RNF144B: variants seen among roughly 807,000 people sequenced by gnomAD.
RNF144B encodes ring finger protein 144B, also known as E3 ubiquitin-protein ligase RNF144B.
In RNF144B, 25 loss-of-function variants were observed where a neutral mutation model predicts 40.2. That is an observed-to-expected ratio of 0.62 (90% CI 0.45 to 0.87). RNF144B has a LOEUF of 0.87. Among genes scored for constraint, RNF144B ranks in the 40% least tolerant of loss-of-function variants. The probability of loss-of-function intolerance (pLI) is 0.00; values close to 1 mark genes in which losing one functional copy is unlikely to be tolerated. For missense variants in RNF144B, 365 were observed against 373.7 expected (o/e 0.98, Z 0.19); for synonymous variants, 145 against 136.3 (o/e 1.06, Z -0.44).
rs761388574 is a variant in RNF144B at position 18,410,272 on chromosome 6, C to T, written c.165+10573C>T. ...CCACCTTTGTCCAGACTCTACTGAT[C>T]CATTTGGTACTAGTGTGTGCCAGGC... On this transcript the variant is annotated intron_variant, in intron 2 of 7. Coordinates refer to ENST00000259939, the MANE Select transcript of RNF144B (RefSeq NM_182757.4). This position sits in a 1 kb window ranked among gnomAD's most constrained non-coding sequence, Gnocchi z 4.6. 1.3e-5 allele frequency among the ~76,000 whole-genome samples: 2 copies of T among 152,172 alleles called. No individual in the cohort carries two copies. Among genetic ancestry groups the T allele is most frequent in the African/African-American group, 4.8e-5 (2 of 41,444 alleles).
chr6:18,407,434 G>A (rs1341574686), intron 2 of RNF144B, among the ~76,000 whole-genome samples: 1 of 152,164 alleles, frequency 6.6e-6, no homozygotes, highest in East Asian at 1.9e-4. Context: ...GAAGATTACA[G>A]TAGATAATCT....
At position 18,468,182 on chromosome 6, in the gene RNF144B, A is replaced by G. The variant is rs1759613561; in HGVS notation, c.*3115A>G. ...TGCAATAGAAATAAAAAAATCCGTC[A>G]CCAAATTGTAACCTGGATGTTATAG... On this transcript the variant is annotated 3_prime_UTR_variant, in exon 8 of 8. Coordinates refer to ENST00000259939, the MANE Select transcript of RNF144B (RefSeq NM_182757.4). The G allele has an allele frequency of 6.6e-6, 1 of 152,206 alleles. No individual in the cohort carries two copies. The highest frequency in any genetic ancestry group is 2.4e-5 in the African/African-American group (1 of 41,452). The allele number at this position is 152,206 out of a possible 1,614,324, so 9.4% of individuals were successfully genotyped here.
intron 1 of RNF144B, among the ~76,000 whole-genome samples, chr6:18,392,035 TAAAAAAAAAAAA>T (rs10643409): frequency 2.8e-5 from 2 of 71,062 alleles, no homozygotes; most frequent in African/African-American, 5.3e-5. Context: ...CCATCTCTAC[TAAAAAAAAAAAA>T]AAAAAAAAAA....
chr6:18,391,600 G>A (rs550214026), intron 1 of RNF144B, among the ~76,000 whole-genome samples: 4 of 152,262 alleles, frequency 2.6e-5, no homozygotes, highest in South Asian at 2.1e-4. Context: ...AGTTGCGGTG[G>A]CTCATGCCTG....
intron 3 of RNF144B, among the ~76,000 whole-genome samples, chr6:18,428,301 A>T (rs1280182727): frequency 6.6e-6 from 1 of 152,182 alleles, no homozygotes; most frequent in Non-Finnish European, 1.5e-5. Flanking sequence ...CAGTGTGAGA[A>T]TGGACACATA....
At chr6:18,397,949 G>A (rs920282130) in intron 1 of RNF144B, among the ~76,000 whole-genome samples, 3 of 151,922 alleles carry the variant, frequency 2.0e-5, no homozygotes, top group African/African-American at 7.3e-5. Flanking sequence ...ATCATCCCAA[G>A]CAGAAACTCT....
intron 1 of RNF144B, among the ~76,000 whole-genome samples, chr6:18,389,326 C>G (rs758991420): frequency 1.3e-5 from 2 of 152,086 alleles, no homozygotes; most frequent in African/African-American, 2.4e-5. Flanking sequence ...GAGCCAAACT[C>G]TACAGCAGAG....
rs544884451 is a variant in RNF144B at position 18,394,860 on chromosome 6, A to G, written c.-36-4639A>G. Among the ~76,000 whole-genome samples the G allele has an allele frequency of 4.6e-5, 7 of 152,342 alleles. No homozygotes were observed. In the South Asian group the frequency reaches 1.2e-3, roughly 27 times the overall value. ...TGCAAGAGACACATAGAGCAGGTAG[A>G]ACTGCTGGTTCTCCTTTCCTGGTAA... On this transcript the variant is annotated intron_variant, in intron 1 of 7. Coordinates refer to ENST00000259939, the MANE Select transcript of RNF144B (RefSeq NM_182757.4).
chr6:18,433,359 G>C (rs1277690479), intron 3 of RNF144B, among the ~76,000 whole-genome samples: 3 of 152,200 alleles, frequency 2.0e-5, no homozygotes, highest in Non-Finnish European at 4.4e-5. Flanking sequence ...AGAGTTAATA[G>C]ATATTTTTGA....
Position 18,468,508 on chromosome 6 carries a change from A to C in RNF144B, c.*3441A>C, listed in dbSNP as rs1759620220. 1 of 152,210 alleles carries C rather than the reference A, an allele frequency of 6.6e-6. No homozygotes were observed. Among genetic ancestry groups the C allele is most frequent in the Non-Finnish European group, 1.5e-5 (1 of 68,034 alleles). The allele number at this position is 152,210 out of a possible 1,614,324, so 9.4% of individuals were successfully genotyped here. ...GTACATGTTCATTTGAATGTAAATCACCATTTCTTGGAACCCCACGTTTTT... is the reference window on the plus strand; with the variant it reads ...GTACATGTTCATTTGAATGTAAATCCCCATTTCTTGGAACCCCACGTTTTT... On this transcript the variant is annotated 3_prime_UTR_variant, in exon 8 of 8. Coordinates refer to ENST00000259939, the MANE Select transcript of RNF144B (RefSeq NM_182757.4).
chr6:18,430,077 A>C (rs951553590), intron 3 of RNF144B, among the ~76,000 whole-genome samples: 19 of 149,122 alleles, frequency 1.3e-4, no homozygotes, highest in Non-Finnish European at 2.1e-4. Context: ...TTTCAAAAAA[A>C]GTCCATGACA....
chr6:18,451,542 G>A (rs768294711), intron 4 of RNF144B, among the ~76,000 whole-genome samples: 1 of 152,190 alleles, frequency 6.6e-6, no homozygotes, highest in African/African-American at 2.4e-5. Context: ...AAAAGAGAGG[G>A]CAGGGCCTGA....
At chr6:18,440,559 A>G (rs1056785690) in intron 4 of RNF144B, among the ~76,000 whole-genome samples, 2 of 152,080 alleles carry the variant, frequency 1.3e-5, no homozygotes, top group African/African-American at 4.8e-5. Flanking sequence ...TGGGGGGAAA[A>G]TGAATATTTA....
In RNF144B at chr6:18,419,747, T is replaced by C. The variant is rs1242750398; in HGVS notation, c.166-7834T>C. Among the ~76,000 whole-genome samples the C allele has an allele frequency of 6.6e-6, 1 of 152,090 alleles. No homozygotes were observed. The highest frequency in any genetic ancestry group is 1.5e-5 in the Non-Finnish European group (1 of 68,012). The stretch of plus-strand genomic sequence containing the variant: ...GAAGGAGTGAGGGAAGACAACTCTT[T>C]CAAACATTTGATTGTGAAGAGTTGA... On this transcript the variant is annotated intron_variant, in intron 2 of 7. Coordinates refer to ENST00000259939, the MANE Select transcript of RNF144B (RefSeq NM_182757.4). This position sits in a 1 kb window ranked among gnomAD's most constrained non-coding sequence, Gnocchi z 4.6.
intron 2 of RNF144B, among the ~76,000 whole-genome samples, chr6:18,402,782 T>G (rs1268500127): frequency 2.0e-5 from 3 of 152,230 alleles, no homozygotes; most frequent in African/African-American, 7.2e-5. Flanking sequence ...TTGTCTCAAA[T>G]AAGCCATCAA....
rs183302512 is a variant in RNF144B at position 18,434,998 on chromosome 6, A to G, written c.271-4686A>G. Reference sequence around the variant, plus strand: ...CAAAACAAAATAGTGATTGTGGACAATTAGTAGCTTTTGTTGTCATTATTC... The same window carrying G: ...CAAAACAAAATAGTGATTGTGGACAGTTAGTAGCTTTTGTTGTCATTATTC... On this transcript the variant is annotated intron_variant, in intron 3 of 7. Transcript: ENST00000259939. The surrounding 1 kb of genome is among the most constrained non-coding windows in gnomAD (Gnocchi z 4.1). 3.3e-5 allele frequency among the ~76,000 whole-genome samples: 5 copies of G among 152,332 alleles called. No homozygotes were observed. Among genetic ancestry groups the G allele is most frequent in the Non-Finnish European group, 5.9e-5 (4 of 68,024 alleles).
In RNF144B at chr6:18,443,443, T is replaced by C. The variant is rs1387912580; in HGVS notation, c.331+3699T>C. Among the ~76,000 whole-genome samples, 2 of 151,858 alleles carry C rather than the reference T, an allele frequency of 1.3e-5. No homozygotes were observed. The highest frequency in any genetic ancestry group is 2.9e-5 in the Non-Finnish European group (2 of 67,972). On this transcript the variant is annotated intron_variant, in intron 4 of 7. Transcript: ENST00000259939. This position sits in a 1 kb window ranked among gnomAD's most constrained non-coding sequence, Gnocchi z 4.7. ...ACACTTGGCTAATTTCATATTTTAG[T>C]AGAGATGGGGTTTCGACATGTTGGT...
Position 18,434,932 on chromosome 6 carries a change from T to C in RNF144B, c.271-4752T>C, listed in dbSNP as rs938987949. On this transcript the variant is annotated intron_variant, in intron 3 of 7. Transcript: ENST00000259939. This position sits in a 1 kb window ranked among gnomAD's most constrained non-coding sequence, Gnocchi z 4.1. ...CACCTTGCCTGGCCAGAATTGAGTA[T>C]TTAATAAGGATCATAAGGTTCATTT... is the stretch of plus-strand genomic sequence containing the variant. Among the ~76,000 whole-genome samples the C allele has an allele frequency of 6.6e-6, 1 of 152,106 alleles. No homozygotes were observed. The highest frequency in any genetic ancestry group is 1.5e-5 in the Non-Finnish European group (1 of 68,044).
chr6:18,452,249 C>T (rs989068041), intron 4 of RNF144B, among the ~76,000 whole-genome samples: 1 of 152,180 alleles, frequency 6.6e-6, no homozygotes, highest in Non-Finnish European at 1.5e-5. Flanking sequence ...TTGGAGCACA[C>T]AAACAGAATG....
Sources: gnomAD v4.1 joint callset for allele counts (sites outside exome capture counted in the v4.1 genomes callset) on GRCh38, gnomAD v4.1.1 for gene constraint, Gnocchi (gnomAD v3.1) non-coding constraint, MANE v1.5 for transcripts, NCBI Gene and HGNC (gene_info 2026-07-23, HGNC 2026-07-21) for gene names.